Variants in MEGF11 observed in about 807,000 individuals in gnomAD.
MEGF11 encodes multiple epidermal growth factor-like domains protein 11.
Under a neutral mutation model 146.6 loss-of-function variants are expected in MEGF11, and 126 were observed. That is an observed-to-expected ratio of 0.86 (90% CI 0.74 to 1.00). The LOEUF (loss-of-function observed/expected upper bound fraction) is 1.00. MEGF11 is among the 50% of genes least tolerant of loss of function. The pLI is 0.00. For missense variants in MEGF11, 1,509 were observed against 1,521.2 expected, an observed-to-expected ratio of 0.99 and a Z score of 0.13; for synonymous variants, 532 against 583.4, an observed-to-expected ratio of 0.91 and a Z score of 1.27.
chr15:66,170,439 A>G (rs1235005158), intron 1 of MEGF11, among the ~76,000 whole-genome samples: 1 of 152,166 alleles, frequency 6.6e-6, no homozygotes, highest in African/African-American at 2.4e-5. Flanking sequence ...TCTTACAGGG[A>G]AGTCTACAGG....
At chr15:66,008,594 T>A (rs2082603059) in intron 5 of MEGF11, among the ~76,000 whole-genome samples, 1 of 151,838 alleles carries the variant, frequency 6.6e-6, no homozygotes, top group Non-Finnish European at 1.5e-5. Flanking sequence ...GAGGCAAAAG[T>A]GGGAGGATTG....
chr15:66,016,479 GTTTTTTTTTT>G (rs58588643), intron 5 of MEGF11, among the ~76,000 whole-genome samples: 4 of 127,712 alleles, frequency 3.1e-5, no homozygotes, highest in African/African-American at 1.2e-4. Context: ...CATCCATTCA[GTTTTTTTTTT>G]TTTTTTTTTT....
chr15:66,079,129 C>G lies in MEGF11; in HGVS notation c.394+15273G>C, dbSNP rs149275813. ...AAGGGGTGAGACTCTGGGAGACTGC[C>G]CTTTCTCAAGAATGGGGAGAGCAGT... On this transcript the variant is annotated intron_variant, in intron 5 of 25. Coordinates refer to ENST00000395614, the MANE Select transcript of MEGF11 (RefSeq NM_001385028.1). 2.0e-5 allele frequency among the ~76,000 whole-genome samples: 3 copies of G among 152,316 alleles called. No homozygotes were observed. In the East Asian group the frequency reaches 5.8e-4, roughly 29 times the overall value.
At chr15:65,990,700 AAAGAAAGGAAGG>A (rs1171739719) in intron 5 of MEGF11, among the ~76,000 whole-genome samples, 2 of 68,034 alleles carry the variant, frequency 2.9e-5, no homozygotes, top group South Asian at 1.6e-3. Flanking sequence ...GAAGAGAAAG[AAAGAAAGGAAGG>A]AAGAAAGAAA....
intron 6 of MEGF11, among the ~76,000 whole-genome samples, chr15:65,981,938 TGCCCACTCGG>T (rs1371304200): frequency 6.6e-6 from 1 of 151,960 alleles, no homozygotes; most frequent in African/African-American, 2.4e-5. Context: ...TTTTAGGGAG[TGCCCACTCGG>T]GCAGTCTCAG....
chr15:66,174,987 C>T (rs2090355867), intron 1 of MEGF11, among the ~76,000 whole-genome samples: 1 of 151,988 alleles, frequency 6.6e-6, no homozygotes, highest in Admixed American at 6.5e-5. Flanking sequence ...TTCTTGATTT[C>T]TTTTTCAGCT....
intron 5 of MEGF11, among the ~76,000 whole-genome samples, chr15:66,013,289 C>T (rs1043015749): frequency 1.3e-5 from 2 of 152,196 alleles, no homozygotes; most frequent in Admixed American, 6.5e-5. Context: ...CTGCTCTTAG[C>T]CTCACCCTCC....
intron 4 of MEGF11, among the ~76,000 whole-genome samples, chr15:66,118,274 C>CCCTA (rs2087832558): frequency 6.6e-6 from 1 of 152,168 alleles, no homozygotes; most frequent in East Asian, 1.9e-4. Context: ...CCAACAGGGA[C>CCCTA]CCTACGATCA....
intron 5 of MEGF11, among the ~76,000 whole-genome samples, chr15:66,024,653 G>A (rs1567207024): frequency 6.6e-6 from 1 of 152,212 alleles, no homozygotes; most frequent in Non-Finnish European, 1.5e-5. Context: ...GCTCAGAGAG[G>A]TGAAGTAAAT....
At position 65,970,609 on chromosome 15, in the gene MEGF11, C is replaced by T; in HGVS notation, c.843G>A (p.Gly281=). The stretch of plus-strand genomic sequence containing the variant: ...ACTGTCCAGTCACGTGGTCACACTG[C>T]CCTCCATGGTGGCAAGGACAATCCT... The part of the protein sequence containing the change: ...CSQDCPCHHG[G]QCDHVTGQCH... The change falls in exon 8 of 26, where the codon GGG becomes GGA. Residue 281 remains glycine (G), a synonymous_variant. Coordinates refer to ENST00000395614, the MANE Select transcript of MEGF11 (RefSeq NM_001385028.1). The T allele has an allele frequency of 6.2e-7, 1 of 1,613,962 alleles. No individual in the cohort carries two copies.
chr15:66,159,431 T>C (rs2089876536), intron 1 of MEGF11, among the ~76,000 whole-genome samples: 1 of 152,224 alleles, frequency 6.6e-6, no homozygotes, highest in African/African-American at 2.4e-5. Context: ...TCCTGGGGTC[T>C]AGGGCTGTTT....
chr15:66,180,791 T>C (rs1244153296), intron 1 of MEGF11, among the ~76,000 whole-genome samples: 1 of 152,198 alleles, frequency 6.6e-6, no homozygotes, highest in African/African-American at 2.4e-5. Flanking sequence ...TCTAGTTAAG[T>C]TGTCTAGCTC....
At position 65,982,150 on chromosome 15, in the gene MEGF11, G is replaced by T; in HGVS notation, c.641+92C>A. On this transcript the variant is annotated intron_variant, in intron 6 of 25. Coordinates refer to ENST00000395614, the MANE Select transcript of MEGF11 (RefSeq NM_001385028.1). This position sits in a 1 kb window ranked among gnomAD's most constrained non-coding sequence, Gnocchi z 5.6. ...GGCAGCCACTCCAGGCCCCGCCCCA[G>T]CCCCTCCACCTCCTCTACCCTCCCC... 1 of 861,420 alleles carries T rather than the reference G, an allele frequency of 1.2e-6. No homozygotes were observed. The highest frequency in any genetic ancestry group is 1.5e-6 in the Non-Finnish European group (1 of 671,220). The allele number at this position is 861,420 out of a possible 1,614,324, so 53.4% of individuals were successfully genotyped here. A position where few individuals can be genotyped will look rare whatever the true frequency, so the allele number is the denominator to read the frequency against.
At chr15:66,236,720 G>T (rs1272462217) in intron 1 of MEGF11, among the ~76,000 whole-genome samples, 1 of 152,132 alleles carries the variant, frequency 6.6e-6, no homozygotes, top group African/African-American at 2.4e-5. Flanking sequence ...CCTGGCTGTG[G>T]TGGTTGTTTG....
chr15:66,136,607 G>A (rs1262226657), intron 1 of MEGF11, among the ~76,000 whole-genome samples: 1 of 152,202 alleles, frequency 6.6e-6, no homozygotes, highest in Non-Finnish European at 1.5e-5. Context: ...AAAAAAGGTT[G>A]TCAATATAGA....
intron 10 of MEGF11, among the ~76,000 whole-genome samples, chr15:65,934,898 A>G (rs778314479): frequency 1.3e-5 from 2 of 152,244 alleles, no homozygotes; most frequent in South Asian, 2.1e-4. Context: ...CTTTTCATCC[A>G]TATCCTTTGT....
intron 1 of MEGF11, among the ~76,000 whole-genome samples, chr15:66,198,032 CTGGGCACTACAG>C (rs2091053273): frequency 6.6e-6 from 1 of 152,182 alleles, no homozygotes. Context: ...CAAGACCAGC[CTGGGCACTACAG>C]TGAGACCCCA....
At chr15:66,103,063 G>A (rs962368380) in intron 4 of MEGF11, among the ~76,000 whole-genome samples, 13 of 152,174 alleles carry the variant, frequency 8.5e-5, no homozygotes, top group African/African-American at 3.1e-4. Flanking sequence ...TAACAATAGG[G>A]TTCCCCAGAC....
intron 5 of MEGF11, among the ~76,000 whole-genome samples, chr15:66,023,102 C>T (rs559347955): frequency 2.1e-5 from 3 of 145,302 alleles, no homozygotes; most frequent in Non-Finnish European, 4.5e-5. Context: ...GATTATCCCA[C>T]TGCATTCCAG....
Sources: gnomAD v4.1 joint callset for allele counts (sites outside exome capture counted in the v4.1 genomes callset) on GRCh38, gnomAD v4.1.1 for gene constraint, Gnocchi (gnomAD v3.1) non-coding constraint, MANE v1.5 for transcripts, NCBI Gene and HGNC (gene_info 2026-07-23, HGNC 2026-07-21) for gene names.